Variants in ACTR3C observed in about 807,000 individuals in gnomAD.
ACTR3C encodes the protein actin related protein 3C, also known as actin-related protein 3C.
Under a neutral mutation model 26.3 loss-of-function variants are expected in ACTR3C, and 18 were observed. The observed-to-expected ratio is 0.68, with a 90% CI of 0.47 to 1.01. The LOEUF (loss-of-function observed/expected upper bound fraction) is 1.01, where lower values mean the gene tolerates loss of function less well. Among genes scored for constraint, ACTR3C ranks in the 50% least tolerant of loss-of-function variants. ACTR3C has a pLI of 0.00. For synonymous variants in ACTR3C, 55 were observed against 94.5 expected, an observed-to-expected ratio of 0.58 and a Z score of 2.42; for missense variants, 184 against 250.7, an observed-to-expected ratio of 0.73 and a Z score of 1.80.
chr7:150,152,686 G>A, the ACTR3C span, among the ~76,000 whole-genome samples: 1 of 152,086 alleles, frequency 6.6e-6, no homozygotes, highest in East Asian at 1.9e-4. Context: ...CTCTTTTTCT[G>A]TTGATTGGAA....
the ACTR3C span, among the ~76,000 whole-genome samples, chr7:150,237,725 G>A: frequency 1.3e-5 from 2 of 151,882 alleles, no homozygotes; most frequent in Non-Finnish European, 2.9e-5. Flanking sequence ...GGATACTAGC[G>A]CAGGCCTCGC....
At chr7:150,116,833 C>A in the ACTR3C span, among the ~76,000 whole-genome samples, 2 of 152,158 alleles carry the variant, frequency 1.3e-5, no homozygotes, top group East Asian at 1.9e-4. Context: ...CAGCTCCCAG[C>A]GAGACCAATG....
At chr7:150,055,869 C>A in the ACTR3C span, among the ~76,000 whole-genome samples, 1 of 149,892 alleles carries the variant, frequency 6.7e-6, no homozygotes, top group Non-Finnish European at 1.5e-5. Context: ...GGACTCATTG[C>A]TTTTTTAATG....
rs73472389 is a variant in ACTR3C at position 150,310,565 on chromosome 7, C to G, written c.-52+12904G>C. On this transcript the variant is annotated intron_variant, in intron 1 of 7. Transcript: ENST00000683684. ...CTATACTCTCCTCTCCTCAGTACCC[C>G]CTTCCACAACTCATTATTCTGTTAT... is the stretch of plus-strand genomic sequence containing the variant. Among the ~76,000 whole-genome samples the G allele has an allele frequency of 5.1e-3, 772 of 152,166 alleles. 11 individuals are homozygous for G. The highest frequency in any genetic ancestry group is 0.018 in the African/African-American group (734 of 41,468).
intron 6 of ACTR3C, among the ~76,000 whole-genome samples, chr7:150,253,898 GT>G (rs994874603): frequency 1.2e-4 from 18 of 145,680 alleles, no homozygotes; most frequent in African/African-American, 4.9e-4. Flanking sequence ...GCTAAGTACA[GT>G]TTTTTTTCGT....
the ACTR3C span, among the ~76,000 whole-genome samples, chr7:150,120,215 G>T: frequency 1.3e-5 from 2 of 152,122 alleles, no homozygotes; most frequent in Non-Finnish European, 2.9e-5. Flanking sequence ...GCTAGCAGAA[G>T]AGAGTAAATA....
the ACTR3C span, among the ~76,000 whole-genome samples, chr7:150,222,505 C>G: frequency 5.3e-5 from 8 of 152,114 alleles, no homozygotes; most frequent in Admixed American, 3.3e-4. Flanking sequence ...TTTACAGACA[C>G]TATTGCTCAA....
chr7:149,908,308 C>T, the ACTR3C span, among the ~76,000 whole-genome samples: 70 of 152,320 alleles, frequency 4.6e-4, no homozygotes, highest in East Asian at 0.012. Context: ...CACTAAGACA[C>T]TCGTTTCTGA....
chr7:149,990,656 C>T, the ACTR3C span, among the ~76,000 whole-genome samples: 1 of 143,952 alleles, frequency 6.9e-6, no homozygotes, highest in African/African-American at 2.6e-5. Flanking sequence ...GCACTTTTCA[C>T]CAGGTAATGC....
At chr7:150,180,658 G>A in the ACTR3C span, among the ~76,000 whole-genome samples, 17 of 148,464 alleles carry the variant, frequency 1.1e-4, no homozygotes, top group Middle Eastern at 3.5e-3. Flanking sequence ...GACTACAGGC[G>A]CGCGCCACCA....
At chr7:150,300,240 A>T (rs183514754) in intron 1 of ACTR3C, among the ~76,000 whole-genome samples, 44 of 151,966 alleles carry the variant, frequency 2.9e-4, no homozygotes, top group African/African-American at 9.7e-4. Flanking sequence ...AGTCCTAGCT[A>T]CTCAGGAGGC....
chr7:150,270,855 G>A (rs183348537), intron 6 of ACTR3C, among the ~76,000 whole-genome samples: 508 of 146,448 alleles, frequency 3.5e-3, no homozygotes, highest in South Asian at 0.013. Context: ...CTGCCAGGTC[G>A]CAAGTCAAAC....
At chr7:150,085,145 C>T in the ACTR3C span, among the ~76,000 whole-genome samples, 5 of 152,138 alleles carry the variant, frequency 3.3e-5, no homozygotes, top group Admixed American at 1.3e-4. Context: ...CACATGTTAG[C>T]GAGGACATGT....
At chr7:150,181,552 C>T in the ACTR3C span, among the ~76,000 whole-genome samples, 226 of 150,328 alleles carry the variant, frequency 1.5e-3, 9 homozygotes, top group African/African-American at 2.6e-3. Flanking sequence ...TTAGGTGGCA[C>T]CACTGCACTC....
At chr7:150,124,257 T>G in the ACTR3C span, among the ~76,000 whole-genome samples, 1 of 152,238 alleles carries the variant, frequency 6.6e-6, no homozygotes, top group Non-Finnish European at 1.5e-5. Flanking sequence ...AAGTTGCAGT[T>G]CTTACTGTTT....
chr7:150,083,806 C>G, the ACTR3C span, among the ~76,000 whole-genome samples: 4 of 152,196 alleles, frequency 2.6e-5, no homozygotes, highest in Non-Finnish European at 5.9e-5. Context: ...GCTGTTTTCT[C>G]TCAGTTCACT....
At chr7:150,286,243 G>A (rs28478124) in intron 5 of ACTR3C, 124 bp downstream of exon 5, 112,822 of 1,250,802 alleles carry the variant, frequency 0.09, 9,181 homozygotes, top group African/African-American at 0.3. Context: ...CATGGGGGAT[G>A]CAGAGAGACC....
At chr7:150,050,748 T>C in the ACTR3C span, among the ~76,000 whole-genome samples, 1 of 152,000 alleles carries the variant, frequency 6.6e-6, no homozygotes, top group Non-Finnish European at 1.5e-5. Context: ...TTTACCCAAA[T>C]TGAAAAGCGC....
At chr7:149,917,366 A>G in the ACTR3C span, among the ~76,000 whole-genome samples, 1 of 152,046 alleles carries the variant, frequency 6.6e-6, no homozygotes, top group African/African-American at 2.4e-5. Context: ...GAGCTATCAC[A>G]CCCAGCCTGC....
Sources: gnomAD v4.1 joint callset for allele counts (sites outside exome capture counted in the v4.1 genomes callset) on GRCh38, gnomAD v4.1.1 for gene constraint, MANE v1.5 for transcripts, NCBI Gene and HGNC (gene_info 2026-07-23, HGNC 2026-07-21) for gene names.